Variants in SGCZ observed in about 807,000 individuals in gnomAD.
SGCZ encodes the protein sarcoglycan zeta.
In SGCZ, 40 loss-of-function variants were observed where a neutral mutation model predicts 41.3. The observed-to-expected ratio is 0.97, with a 90% CI of 0.75 to 1.26. The LOEUF (loss-of-function observed/expected upper bound fraction) is 1.26. Ranked by LOEUF, SGCZ falls within the 50% of genes most tolerant of loss-of-function variation. SGCZ has a pLI of 0.00. For synonymous variants in SGCZ, 206 were observed against 137.5 expected, an observed-to-expected ratio of 1.50 and a Z score of -3.49; for missense variants, 552 against 369.8, an observed-to-expected ratio of 1.49 and a Z score of -4.04.
At chr8:14,510,114 T>C (rs1043465557) in intron 2 of SGCZ, among the ~76,000 whole-genome samples, 16 of 152,238 alleles carry the variant, frequency 1.1e-4, no homozygotes, top group African/African-American at 3.4e-4. Context: ...ACAAAGACTT[T>C]CAAGAAAAGA....
chr8:14,751,130 T>C (rs1313846818), intron 1 of SGCZ, among the ~76,000 whole-genome samples: 2 of 152,252 alleles, frequency 1.3e-5, no homozygotes, highest in African/African-American at 4.8e-5. Context: ...TATTTTTAAG[T>C]ATATGCATTT....
intron 1 of SGCZ, among the ~76,000 whole-genome samples, chr8:15,117,168 G>C (rs1053340900): frequency 6.6e-6 from 1 of 152,096 alleles, no homozygotes; most frequent in South Asian, 2.1e-4. Flanking sequence ...TCAGGAGATC[G>C]AGACCACGGT....
intron 1 of SGCZ, among the ~76,000 whole-genome samples, chr8:15,161,372 T>C (rs1404152539): frequency 6.6e-6 from 1 of 152,202 alleles, no homozygotes; most frequent in Non-Finnish European, 1.5e-5. Context: ...TTCTCTGCTT[T>C]ATTTTTCTCC....
intron 1 of SGCZ, among the ~76,000 whole-genome samples, chr8:14,751,766 T>C (rs183321572): frequency 1.3e-5 from 2 of 151,978 alleles, no homozygotes; most frequent in East Asian, 3.9e-4. Flanking sequence ...GCCAGGATGG[T>C]CTTGATTTCC....
chr8:14,774,982 C>G (rs1295516613), intron 1 of SGCZ, among the ~76,000 whole-genome samples: 1 of 151,906 alleles, frequency 6.6e-6, no homozygotes, highest in African/African-American at 2.4e-5. Context: ...GACTGAAACA[C>G]CACATAAAGG....
At chr8:15,233,982 T>C (rs1256910373) in intron 1 of SGCZ, among the ~76,000 whole-genome samples, 2 of 152,190 alleles carry the variant, frequency 1.3e-5, no homozygotes, top group Non-Finnish European at 2.9e-5. Flanking sequence ...TCTGAAAGCA[T>C]GACTTAATTG....
intron 4 of SGCZ, among the ~76,000 whole-genome samples, chr8:14,228,787 G>C (rs991462874): frequency 6.6e-6 from 1 of 151,976 alleles, no homozygotes; most frequent in African/African-American, 2.4e-5. Flanking sequence ...AACAACTAAA[G>C]TTACTGTTAC....
chr8:14,597,246 G>C (rs1805441533), intron 1 of SGCZ, among the ~76,000 whole-genome samples: 1 of 152,176 alleles, frequency 6.6e-6, no homozygotes, highest in Admixed American at 6.5e-5. Context: ...TATTCAGTAA[G>C]CAGTCTTAAA....
chr8:14,829,881 G>C (rs1024222799), intron 1 of SGCZ, among the ~76,000 whole-genome samples: 4 of 151,998 alleles, frequency 2.6e-5, no homozygotes, highest in East Asian at 1.9e-4. Context: ...GCGCGATCTC[G>C]GCTCACTGCA....
chr8:14,662,605 G>C (rs1232238844), intron 1 of SGCZ, among the ~76,000 whole-genome samples: 1 of 152,152 alleles, frequency 6.6e-6, no homozygotes, highest in Non-Finnish European at 1.5e-5. Flanking sequence ...CCTGTGTTAG[G>C]CTAAATAATG....
At chr8:14,424,980 C>G (rs1015970365) in intron 2 of SGCZ, among the ~76,000 whole-genome samples, 1 of 152,076 alleles carries the variant, frequency 6.6e-6, no homozygotes, top group African/African-American at 2.4e-5. Flanking sequence ...GAGAAAAATA[C>G]GTAAATATCA....
intron 4 of SGCZ, among the ~76,000 whole-genome samples, chr8:14,223,334 G>A (rs1285540142): frequency 6.6e-6 from 1 of 151,978 alleles, no homozygotes; most frequent in Admixed American, 6.6e-5. Flanking sequence ...ATCATCACTA[G>A]TATTTTCATT....
At chr8:14,771,937 GA>G (rs1477901912) in intron 1 of SGCZ, among the ~76,000 whole-genome samples, 2 of 151,964 alleles carry the variant, frequency 1.3e-5, no homozygotes, top group East Asian at 3.9e-4. Flanking sequence ...TCTTATATAT[GA>G]TATCTATTTG....
chr8:14,908,453 T>A (rs528976514), intron 1 of SGCZ, among the ~76,000 whole-genome samples: 1 of 152,110 alleles, frequency 6.6e-6, no homozygotes, highest in Non-Finnish European at 1.5e-5. Context: ...CAGATTTTTG[T>A]TAAGATTCAG....
intron 2 of SGCZ, among the ~76,000 whole-genome samples, chr8:14,539,610 A>G (rs554981073): frequency 2.0e-5 from 3 of 152,054 alleles, no homozygotes; most frequent in African/African-American, 7.2e-5. Context: ...AACTTGTGTC[A>G]TGGAGGTTTG....
Position 14,193,189 on chromosome 8 carries a change from A to T in SGCZ, c.425-28487T>A, listed in dbSNP as rs141709724. 1.8e-4 allele frequency among the ~76,000 whole-genome samples: 27 copies of T among 152,042 alleles called. No homozygotes were observed. The East Asian group carries it at 5.0e-3, about 28-fold the overall frequency. The stretch of plus-strand genomic sequence containing the variant: ...TTTAAAATCATAAGCTACACTACAG[A>T]AACATCCATTTTACTCCTGCCATGT... On this transcript the variant is annotated intron_variant, in intron 4 of 7. Coordinates refer to ENST00000382080, the MANE Select transcript of SGCZ (RefSeq NM_139167.4).
intron 1 of SGCZ, among the ~76,000 whole-genome samples, chr8:14,782,818 G>T (rs779041966): frequency 6.6e-6 from 1 of 152,094 alleles, no homozygotes; most frequent in Admixed American, 6.5e-5. Context: ...ACAGACACAG[G>T]CATATTGCAG....
At chr8:14,156,060 A>C (rs990390701) in intron 5 of SGCZ, among the ~76,000 whole-genome samples, 1 of 152,212 alleles carries the variant, frequency 6.6e-6, no homozygotes, top group African/African-American at 2.4e-5. Flanking sequence ...CAGGACGAGA[A>C]GTTGCTCTGG....
At chr8:15,161,989 C>A (rs1262898416) in intron 1 of SGCZ, among the ~76,000 whole-genome samples, 2 of 152,178 alleles carry the variant, frequency 1.3e-5, no homozygotes, top group Admixed American at 6.5e-5. Flanking sequence ...CAAGATTGCA[C>A]CACGGCACTC....
Sources: gnomAD v4.1 joint callset for allele counts (sites outside exome capture counted in the v4.1 genomes callset) on GRCh38, gnomAD v4.1.1 for gene constraint, MANE v1.5 for transcripts, NCBI Gene and HGNC (gene_info 2026-07-23, HGNC 2026-07-21) for gene names.